The following ATRNL1 variants were observed in gnomAD, a reference collection of about 807,000 sequenced individuals.
The protein encoded by ATRNL1 is attractin-like protein 1.
In ATRNL1, 95 loss-of-function variants were observed where a neutral mutation model predicts 182.7. The ratio of observed to expected loss-of-function variants is 0.52; its 90% CI spans 0.44 to 0.62. ATRNL1 has a LOEUF of 0.62. ATRNL1 is among the 20% of genes least tolerant of loss of function. The pLI is 0.00. For synonymous variants in ATRNL1, 576 were observed against 568.3 expected, an observed-to-expected ratio of 1.01 and a Z score of -0.19; for missense variants, 1,471 against 1,679.5, an observed-to-expected ratio of 0.88 and a Z score of 2.17.
chr10:115,234,215 A>T (rs1850078829), intron 9 of ATRNL1, among the ~76,000 whole-genome samples: 1 of 152,100 alleles, frequency 6.6e-6, no homozygotes, highest in African/African-American at 2.4e-5. Context: ...AGATATATTT[A>T]AAGGAATTTA....
chr10:115,472,481 G>T, intron 24 of ATRNL1, among the ~76,000 whole-genome samples: 1 of 151,054 alleles, frequency 6.6e-6, no homozygotes, highest in Middle Eastern at 3.4e-3. Flanking sequence ...AATGAACATA[G>T]GATATTTTCC....
intron 14 of ATRNL1, among the ~76,000 whole-genome samples, chr10:115,282,036 CATAAAT>C (rs1337413211): frequency 2.8e-5 from 4 of 142,188 alleles, no homozygotes; most frequent in Non-Finnish European, 4.5e-5. Context: ...ACAATAAATA[CATAAAT>C]ATATTACTTA....
At chr10:115,191,823 C>T (rs543247284) in intron 8 of ATRNL1, among the ~76,000 whole-genome samples, 1 of 152,222 alleles carries the variant, frequency 6.6e-6, no homozygotes, top group East Asian at 1.9e-4. Context: ...AATTAAACCC[C>T]TTTCCTTTAT....
At chr10:115,127,567 C>A in intron 3 of ATRNL1, 26 bp from the exon 4 acceptor site, 2 of 1,585,852 alleles carry the variant, frequency 1.3e-6, no homozygotes, top group African/African-American at 1.4e-5. Flanking sequence ...TCTATACATA[C>A]AATATTCAGT....
At chr10:115,910,006 G>C (rs564897609) in intron 28 of ATRNL1, among the ~76,000 whole-genome samples, 1 of 152,314 alleles carries the variant, frequency 6.6e-6, no homozygotes, top group East Asian at 1.9e-4. Flanking sequence ...TTGGGGAGGA[G>C]TGGAGGAGGA....
chr10:115,183,657 T>G (rs1013318833), intron 8 of ATRNL1, among the ~76,000 whole-genome samples: 2 of 151,522 alleles, frequency 1.3e-5, no homozygotes, highest in African/African-American at 4.8e-5. Flanking sequence ...AAAATTTGTA[T>G]AAAGCACTTT....
At chr10:115,587,112 C>G (rs1592901901) in intron 26 of ATRNL1, among the ~76,000 whole-genome samples, 1 of 149,160 alleles carries the variant, frequency 6.7e-6, no homozygotes, top group South Asian at 2.2e-4. Context: ...TCTGCCCGTT[C>G]TCAGATCTCC....
At chr10:115,634,226 T>C (rs1592982281) in intron 26 of ATRNL1, among the ~76,000 whole-genome samples, 1 of 152,276 alleles carries the variant, frequency 6.6e-6, no homozygotes, top group East Asian at 1.9e-4. Context: ...CTTTTATATC[T>C]TTGCCAAATT....
chr10:115,184,024 C>T (rs1847844326), intron 8 of ATRNL1, among the ~76,000 whole-genome samples: 1 of 150,984 alleles, frequency 6.6e-6, no homozygotes, highest in South Asian at 2.1e-4. Flanking sequence ...GTATACATCC[C>T]ATTTAATAAT....
At chr10:115,266,164 A>C (rs1421116087) in intron 11 of ATRNL1, among the ~76,000 whole-genome samples, 3 of 151,804 alleles carry the variant, frequency 2.0e-5, no homozygotes, top group African/African-American at 7.2e-5. Context: ...TATTTTTGAC[A>C]TGAAAAATAT....
intron 28 of ATRNL1, among the ~76,000 whole-genome samples, chr10:115,866,185 C>A (rs1951436428): frequency 6.6e-6 from 1 of 152,106 alleles, no homozygotes; most frequent in Admixed American, 6.5e-5. Context: ...CATCTCAAGA[C>A]TATAATATTA....
chr10:115,167,075 G>T (rs1234836069), intron 7 of ATRNL1, among the ~76,000 whole-genome samples: 6 of 151,906 alleles, frequency 3.9e-5, no homozygotes, highest in Non-Finnish European at 8.8e-5. Flanking sequence ...AGTTAATTGT[G>T]TCTGATGTAA....
chr10:115,489,629 T>G (rs1849197260), intron 24 of ATRNL1, among the ~76,000 whole-genome samples: 1 of 152,212 alleles, frequency 6.6e-6, no homozygotes, highest in Non-Finnish European at 1.5e-5. Context: ...TCTTTGCACA[T>G]GAGATGGGTC....
intron 25 of ATRNL1, among the ~76,000 whole-genome samples, chr10:115,532,860 T>C (rs1554988793): frequency 6.6e-6 from 1 of 152,208 alleles, no homozygotes; most frequent in African/African-American, 2.4e-5. Flanking sequence ...TTTCTGCATC[T>C]ATTGATATAA....
At chr10:115,937,171 C>T (rs1457814646) in intron 28 of ATRNL1, among the ~76,000 whole-genome samples, 5 of 152,170 alleles carry the variant, frequency 3.3e-5, no homozygotes, top group African/African-American at 9.6e-5. Flanking sequence ...GAAAGTGTTG[C>T]GTGAGGTGTC....
At chr10:115,589,842 A>C (rs1443608155) in intron 26 of ATRNL1, among the ~76,000 whole-genome samples, 1 of 152,222 alleles carries the variant, frequency 6.6e-6, no homozygotes, top group Non-Finnish European at 1.5e-5. Flanking sequence ...TCCACAAGAA[A>C]GATCAGGAGC....
intron 9 of ATRNL1, among the ~76,000 whole-genome samples, chr10:115,217,192 G>A (rs912392177): frequency 1.3e-5 from 2 of 152,080 alleles, no homozygotes; most frequent in Non-Finnish European, 2.9e-5. Flanking sequence ...ACGTTCAAGC[G>A]ATTCTCCTGC....
chr10:115,683,549 T>G (rs1463949193), intron 26 of ATRNL1, among the ~76,000 whole-genome samples: 1 of 5,676 alleles, frequency 1.8e-4, no homozygotes, highest in African/African-American at 2.2e-4. Flanking sequence ...AGAACTAGCG[T>G]TTTTTTTTTT....
intron 26 of ATRNL1, among the ~76,000 whole-genome samples, chr10:115,634,851 G>C (rs1369660079): frequency 1.3e-5 from 2 of 152,024 alleles, no homozygotes; most frequent in African/African-American, 4.8e-5. Flanking sequence ...CCACCTGATA[G>C]TGTAGTTCCC....
Sources: allele counts gnomAD v4.1 joint callset (sites outside exome capture counted in the v4.1 genomes callset), GRCh38; gene constraint gnomAD v4.1.1; transcripts MANE v1.5; gene names NCBI Gene and HGNC (gene_info 2026-07-23, HGNC 2026-07-21).